The following AHRR variants were observed in gnomAD, a reference collection of about 807,000 sequenced individuals.
AHRR encodes the protein ahR repressor.
In AHRR, 28 loss-of-function variants were observed where a neutral mutation model predicts 44.0. That is an observed-to-expected ratio of 0.64 (90% CI 0.47 to 0.87). AHRR has a LOEUF of 0.87. Ranked by LOEUF, AHRR falls within the 40% of genes least tolerant of loss-of-function variation. AHRR has a pLI of 0.00. For missense variants in AHRR, 990 were observed against 953.9 expected, an observed-to-expected ratio of 1.04 and a Z score of -0.50; for synonymous variants, 434 against 407.0, an observed-to-expected ratio of 1.07 and a Z score of -0.80.
Position 337,229 on chromosome 5 carries a change from C to CCACTTAG in AHRR, c.-10-6664_-10-6663insCACTTAG. ...GATCCAGTTTCATTTAAAGTCCAGC[C>CCACTTAG]TGCCAACCCCAGCCCACTTAGACTC... On this transcript the variant is annotated intron_variant, in intron 1 of 10. Coordinates refer to ENST00000684583, the MANE Select transcript of AHRR (RefSeq NM_001377236.1). The surrounding 1 kb of genome is among the most constrained non-coding windows in gnomAD (Gnocchi z 4.1). Among the ~76,000 whole-genome samples, 1 of 150,636 alleles carries CCACTTAG rather than the reference C, an allele frequency of 6.6e-6. No individual in the cohort carries two copies. The highest frequency in any genetic ancestry group is 1.9e-4 in the East Asian group (1 of 5,196).
chr5:422,701 C>G, intron 5 of AHRR, 28 bp from the exon 6 acceptor site: 1 of 1,614,080 alleles, frequency 6.2e-7, no homozygotes, highest in Non-Finnish European at 8.5e-7. Flanking sequence ...TGGGGTAAGG[C>G]TGAAATAATC....
At chr5:386,944 T>C (rs1041084240) in intron 4 of AHRR, among the ~76,000 whole-genome samples, 6 of 152,164 alleles carry the variant, frequency 3.9e-5, no homozygotes, top group African/African-American at 1.4e-4. Flanking sequence ...ATCTAGGGAA[T>C]GTGGATTATT....
At chr5:324,470 A>C (rs1741633790) in intron 1 of AHRR, among the ~76,000 whole-genome samples, 1 of 151,086 alleles carries the variant, frequency 6.6e-6, no homozygotes, top group Admixed American at 6.6e-5. Flanking sequence ...ATTAAAAAAA[A>C]AAAGAACTGA....
chr5:376,557 A>AACGCGGGGACACACAGGAAAGAT (rs368685976), intron 3 of AHRR, 53 bp from the exon 4 acceptor site: 3 of 1,429,192 alleles, frequency 2.1e-6, no homozygotes, highest in Non-Finnish European at 9.4e-7. Flanking sequence ...AATGAAGAAG[A>AACGCGGGGACACACAGGAAAGAT]GTGGCCAGGC....
rs1490619131 is a variant in AHRR at position 376,712 on chromosome 5, TGGA to T, written c.350_351+1del. On this transcript the variant is annotated inframe_deletion and splice_region_variant, in exon 4 of 11. Transcript: ENST00000684583. ...GCCGTGCTGGAGGGAAGGCTGCTGT[TGGA>T]GGTGAGTGCCACCCTTGGTACCTCG... The T allele has an allele frequency of 1.2e-6, 2 of 1,605,340 alleles. No individual in the cohort carries two copies. The highest frequency in any genetic ancestry group is 2.2e-5 in the South Asian group (2 of 89,210).
chr5:346,250 C>T (rs1742675053), intron 2 of AHRR, among the ~76,000 whole-genome samples: 1 of 152,214 alleles, frequency 6.6e-6, no homozygotes, highest in African/African-American at 2.4e-5. Context: ...TGTCTCCCGA[C>T]GGAATCACAG....
chr5:407,819 G>A (rs1735327678), intron 4 of AHRR, among the ~76,000 whole-genome samples: 1 of 152,228 alleles, frequency 6.6e-6, no homozygotes, highest in Non-Finnish European at 1.5e-5. Context: ...TTACAGGCGT[G>A]AGCCACTGAG....
In AHRR at chr5:376,605, G is replaced by A; in HGVS notation, c.245-5G>A. 1 of 1,586,258 alleles carries A rather than the reference G, an allele frequency of 6.3e-7. No homozygotes were observed. Among genetic ancestry groups the A allele is most frequent in the Non-Finnish European group, 8.6e-7 (1 of 1,168,736 alleles). On this transcript the variant is annotated splice_region_variant and splice_polypyrimidine_tract_variant and intron_variant, in intron 3 of 10. Transcript: ENST00000684583. ...GTGCCTAATGTGTCTTTTCTTCTCT[G>A]ACAGTCGTGCAGGAGCAGAGCTCAC...
intron 1 of AHRR, among the ~76,000 whole-genome samples, chr5:332,912 T>A (rs1025491537): frequency 6.7e-6 from 1 of 148,962 alleles, no homozygotes; most frequent in Non-Finnish European, 1.5e-5. Flanking sequence ...TATCATTATA[T>A]AATAAATGAC....
In AHRR at chr5:419,430, G is replaced by A. The variant is rs1227496922; in HGVS notation, c.442-3299G>A. On this transcript the variant is annotated intron_variant, in intron 5 of 10. Transcript: ENST00000684583. The surrounding 1 kb of genome is among the most constrained non-coding windows in gnomAD (Gnocchi z 4.4). ...GATCTGCCCGCCTTGGCCTCCTAAA[G>A]TGCTGGGATTACAGGCGTGAACCAC... is the stretch of plus-strand genomic sequence containing the variant. Among the ~76,000 whole-genome samples the A allele has an allele frequency of 6.6e-6, 1 of 152,180 alleles. No individual in the cohort carries two copies. The highest frequency in any genetic ancestry group is 1.5e-5 in the Non-Finnish European group (1 of 68,030).
chr5:416,464 C>T (rs1579691168), intron 5 of AHRR, among the ~76,000 whole-genome samples: 1 of 152,374 alleles, frequency 6.6e-6, no homozygotes, highest in South Asian at 2.1e-4. Flanking sequence ...GTTGACACCA[C>T]GTGACCACAG....
At chr5:424,369 T>C (rs1261092001) in intron 7 of AHRR, among the ~76,000 whole-genome samples, 6 of 110,876 alleles carry the variant, frequency 5.4e-5, no homozygotes, top group South Asian at 3.0e-4. Context: ...GGTGTGGGGG[T>C]GTTAACCCAT....
At position 427,996 on chromosome 5, in the gene AHRR, G is replaced by A. The variant is rs756370466; in HGVS notation, c.898G>A (p.Ala300Thr). 30 of 1,613,744 alleles carry A rather than the reference G, an allele frequency of 1.9e-5. No homozygotes were observed. Among genetic ancestry groups the A allele is most frequent in the Middle Eastern group, 1.7e-4 (1 of 6,058 alleles). The change falls in exon 8 of 11, where the codon GCG becomes ACG. Residue 300 changes from alanine to threonine, a missense_variant. By Grantham distance (58) the Ala-to-Thr change is moderately conservative (BLOSUM62 0). Coordinates refer to ENST00000684583, the MANE Select transcript of AHRR (RefSeq NM_001377236.1). Reference sequence around the variant, plus strand: ...ACCCAGAGCAGACACCGCAGCCACCGCGGATGCAAAGTGAGTAAGACTCGC... The same window carrying A: ...ACCCAGAGCAGACACCGCAGCCACCACGGATGCAAAGTGAGTAAGACTCGC... ...AKPRADTAAT[A>T]DAKVKATTSL...
At position 389,950 on chromosome 5, in the gene AHRR, G is replaced by T. The variant is rs1324900910; in HGVS notation, c.351+13234G>T. Among the ~76,000 whole-genome samples the T allele has an allele frequency of 3.4e-4, 45 of 133,120 alleles. No individual in the cohort carries two copies. In the East Asian group the frequency reaches 0.011, roughly 32 times the overall value. The allele number at this position is 133,120 out of a possible 152,430, so 87.3% of individuals were successfully genotyped here. A position where few individuals can be genotyped will look rare whatever the true frequency, so the allele number is the denominator to read the frequency against. On this transcript the variant is annotated intron_variant, in intron 4 of 10. Coordinates refer to ENST00000684583, the MANE Select transcript of AHRR (RefSeq NM_001377236.1). ...GGGAGGGGGAGGGGAAGGGAGGGAGGGGGAGGGGAGACAGGACAGAGGCTG... is the reference window on the plus strand; with the variant it reads ...GGGAGGGGGAGGGGAAGGGAGGGAGTGGGAGGGGAGACAGGACAGAGGCTG...
rs371473301 is a variant in AHRR, at chr5:427,863, G to A, written c.765G>A (p.Pro255=). The change falls in exon 8 of 11, where the codon CCG becomes CCA. Residue 255 remains proline, a synonymous_variant. Coordinates refer to ENST00000684583, the MANE Select transcript of AHRR (RefSeq NM_001377236.1). ...TGTTTGGACAGAAGAAGAAGGCGCC[G>A]TCAGGAGCCATGCTCCCGCCGCGGC... ...KFLFGQKKKA[P]SGAMLPPRLS... 9.3e-6 allele frequency: 15 copies of A among 1,613,986 alleles called. No homozygotes were observed. The highest frequency in any genetic ancestry group is 4.0e-5 in the African/African-American group (3 of 74,940).
At chr5:423,508 C>T (rs1182346115) in intron 6 of AHRR, among the ~76,000 whole-genome samples, 3 of 152,188 alleles carry the variant, frequency 2.0e-5, no homozygotes, top group Non-Finnish European at 4.4e-5. Context: ...AAATAATTCA[C>T]GGAAAGTTTC....
chr5:434,755 T>G lies in AHRR; in HGVS notation c.2015T>G (p.Met672Arg). 6.4e-7 allele frequency: 1 copy of G among 1,565,878 alleles called. No homozygotes were observed. The highest frequency in any genetic ancestry group is 8.7e-7 in the Non-Finnish European group (1 of 1,155,010). ...CAGTGGGCTACTCACAGCCAGGGAATGGTGCCCGGGATGTTGCCCAAAAGT... is the reference window on the plus strand; with the variant it reads ...CAGTGGGCTACTCACAGCCAGGGAAGGGTGCCCGGGATGTTGCCCAAAAGT... Reference protein sequence around the residue: ...SPQWATHSQGMVPGMLPKSAL... With the variant: ...SPQWATHSQGRVPGMLPKSAL... Residue 672 changes from methionine (M) to arginine (R), a missense_variant, in exon 11 of 11, where the codon ATG becomes AGG. Coordinates refer to ENST00000684583, the MANE Select transcript of AHRR (RefSeq NM_001377236.1).
At chr5:415,369 GGTCGGGTGGGAGGCCTAGGGGCCGA>G (rs1560915794) in intron 5 of AHRR, among the ~76,000 whole-genome samples, 3 of 141,704 alleles carry the variant, frequency 2.1e-5, no homozygotes, top group Non-Finnish European at 3.1e-5. Context: ...GAGTCTCCCT[GGTCGGGTGGGAGGCCTAGGGGCCGA>G]GTCTGCCTGG....
intron 2 of AHRR, among the ~76,000 whole-genome samples, chr5:349,981 A>G (rs1742806450): frequency 6.6e-6 from 1 of 152,190 alleles, no homozygotes; most frequent in Admixed American, 6.5e-5. Flanking sequence ...CTATTCATTT[A>G]TACTTCTATG....
Sources: allele counts gnomAD v4.1 joint callset (sites outside exome capture counted in the v4.1 genomes callset), GRCh38; gene constraint gnomAD v4.1.1; non-coding constraint Gnocchi (gnomAD v3.1); transcripts MANE v1.5; gene names NCBI Gene and HGNC (gene_info 2026-07-23, HGNC 2026-07-21).